Variants in ANKRD55 observed in about 807,000 individuals in gnomAD.
ANKRD55 encodes the protein ankyrin repeat domain-containing protein 55.
ANKRD55 carries 41 observed loss-of-function variants against 60.6 expected under a neutral mutation model. That is an observed-to-expected ratio of 0.68 (90% CI 0.53 to 0.88). The LOEUF (loss-of-function observed/expected upper bound fraction) is 0.88, where lower values mean the gene tolerates loss of function less well. Ranked by LOEUF, ANKRD55 falls within the 40% of genes least tolerant of loss-of-function variation. The probability of loss-of-function intolerance (pLI) is 0.00; values close to 1 mark genes in which losing one functional copy is unlikely to be tolerated. For missense variants in ANKRD55, 732 were observed against 767.6 expected, an observed-to-expected ratio of 0.95 and a Z score of 0.55; for synonymous variants, 264 against 290.3, an observed-to-expected ratio of 0.91 and a Z score of 0.92.
rs985821351 is a variant in ANKRD55 at position 56,134,547 on chromosome 5, C to A, written c.613-7441G>T. On this transcript the variant is annotated intron_variant, in intron 7 of 11. Coordinates refer to ENST00000341048, the MANE Select transcript of ANKRD55 (RefSeq NM_024669.3). Reference sequence around the variant, plus strand: ...TGAGCCGAGATCGTGTCATTGCACTCCAGCCTGGGTGACAGAGTGAGAGAC... The same window carrying A: ...TGAGCCGAGATCGTGTCATTGCACTACAGCCTGGGTGACAGAGTGAGAGAC... Among the ~76,000 whole-genome samples the A allele has an allele frequency of 6.5e-5, 8 of 122,304 alleles. 1 individual carries two copies. The highest frequency in any genetic ancestry group is 7.3e-5 in the Non-Finnish European group (4 of 54,716). The allele number at this position is 122,304 out of a possible 152,430, so 80.2% of individuals were successfully genotyped here. A position where few individuals can be genotyped will look rare whatever the true frequency, so the allele number is the denominator to read the frequency against.
At chr5:56,146,429 T>C (rs1248452287) in intron 6 of ANKRD55, among the ~76,000 whole-genome samples, 3 of 151,780 alleles carry the variant, frequency 2.0e-5, no homozygotes, top group Admixed American at 6.6e-5. Flanking sequence ...AGATTACAGG[T>C]GCCCGCCACC....
intron 8 of ANKRD55, among the ~76,000 whole-genome samples, chr5:56,118,584 A>G (rs1307244435): frequency 6.6e-6 from 1 of 152,140 alleles, no homozygotes; most frequent in African/African-American, 2.4e-5. Context: ...AGATCATGCC[A>G]CTGCACTCCA....
chr5:56,184,482 A>G (rs899747588), intron 2 of ANKRD55, among the ~76,000 whole-genome samples: 9 of 152,160 alleles, frequency 5.9e-5, no homozygotes, highest in African/African-American at 2.2e-4. Flanking sequence ...CTTCATTTCA[A>G]CCACCTGAGA....
At chr5:56,174,923 T>C (rs1050271574) in intron 4 of ANKRD55, among the ~76,000 whole-genome samples, 1 of 151,644 alleles carries the variant, frequency 6.6e-6, no homozygotes, top group African/African-American at 2.4e-5. Flanking sequence ...TCCCAGAGTA[T>C]CTGACTCAGA....
chr5:56,156,062 G>T (rs1354459551), intron 6 of ANKRD55, among the ~76,000 whole-genome samples: 1 of 152,110 alleles, frequency 6.6e-6, no homozygotes, highest in African/African-American at 2.4e-5. Context: ...CCAGAGATGA[G>T]GTAGCACACT....
chr5:56,193,286 A>G, intron 2 of ANKRD55: 1 of 1,087,012 alleles, frequency 9.2e-7, no homozygotes, highest in South Asian at 1.5e-5. Context: ...GGGGAGATGC[A>G]TGGAAATTAT....
chr5:56,137,409 C>A lies in ANKRD55; in HGVS notation c.612+6392G>T, dbSNP rs938242605. 1.5e-5 allele frequency: 13 copies of A among 894,454 alleles called. No homozygotes were observed. In the African/African-American group the frequency reaches 2.1e-4, roughly 15 times the overall value. 55.4% of individuals were successfully genotyped at this position (894,454 alleles called of 1,614,324 possible). The stretch of plus-strand genomic sequence containing the variant: ...TAACCCATACATGAGCTCTCCCTGC[C>A]ACACTGAGATGATCCTTACTGAAAA... On this transcript the variant is annotated intron_variant, in intron 7 of 11. Transcript: ENST00000341048.
intron 7 of ANKRD55, among the ~76,000 whole-genome samples, chr5:56,131,480 A>T (rs1757409607): frequency 6.6e-6 from 1 of 152,138 alleles, no homozygotes; most frequent in South Asian, 2.1e-4. Context: ...TTACTGGTAG[A>T]CCTGCATTGT....
At chr5:56,161,728 T>C (rs1353441380) in intron 5 of ANKRD55, among the ~76,000 whole-genome samples, 1 of 152,022 alleles carries the variant, frequency 6.6e-6, no homozygotes, top group Non-Finnish European at 1.5e-5. Context: ...ATCAGAGGGG[T>C]AGTAACGCAG....
chr5:56,222,302 A>T (rs1330845698), intron 2 of ANKRD55, among the ~76,000 whole-genome samples: 1 of 152,188 alleles, frequency 6.6e-6, no homozygotes, highest in Non-Finnish European at 1.5e-5. Flanking sequence ...TTAGAAGGAA[A>T]ACTAAGAAAC....
chr5:56,194,538 T>A (rs1399993949), intron 2 of ANKRD55, among the ~76,000 whole-genome samples: 1 of 152,104 alleles, frequency 6.6e-6, no homozygotes, highest in Non-Finnish European at 1.5e-5. Flanking sequence ...TGAAGTTCCT[T>A]AATAAAACCG....
intron 7 of ANKRD55, among the ~76,000 whole-genome samples, chr5:56,130,548 C>G (rs1424154469): frequency 3.9e-5 from 6 of 152,190 alleles, no homozygotes; most frequent in Admixed American, 1.3e-4. Context: ...GCGCTATTTA[C>G]AGGAGTTCCT....
At chr5:56,224,266 A>ACT (rs1760048481) in intron 2 of ANKRD55, among the ~76,000 whole-genome samples, 1 of 152,250 alleles carries the variant, frequency 6.6e-6, no homozygotes, top group Non-Finnish European at 1.5e-5. Context: ...GAAGGCAGAA[A>ACT]TAAAGATGTT....
At chr5:56,192,577 A>C (rs1581012747) in intron 2 of ANKRD55, 1 of 450,928 alleles carries the variant, frequency 2.2e-6, no homozygotes, top group Admixed American at 3.4e-5. Flanking sequence ...TGAATTTTTT[A>C]ACCTTCCTCT....
In ANKRD55 at chr5:56,143,831, G is replaced by A. The variant is rs200572856; in HGVS notation, c.582C>T (p.Asp194=). The A allele has an allele frequency of 6.2e-7, 1 of 1,614,186 alleles. No individual in the cohort carries two copies. Among genetic ancestry groups the A allele is most frequent in the Non-Finnish European group, 8.5e-7 (1 of 1,180,024 alleles). The change falls in exon 7 of 12, where the codon GAC becomes GAT. Residue 194 remains aspartate, a synonymous_variant. Coordinates refer to ENST00000341048, the MANE Select transcript of ANKRD55 (RefSeq NM_024669.3). ...KGADPTLVDK[D]FKTALHWAVQ... is the part of the protein sequence containing the mutation. Reference sequence around the variant, plus strand: ...CTGCCCAGTGGAGAGCGGTTTTAAAGTCTTTATCCACAAGGGTGGGGTCTG... The same window carrying A: ...CTGCCCAGTGGAGAGCGGTTTTAAAATCTTTATCCACAAGGGTGGGGTCTG...
intron 10 of ANKRD55, among the ~76,000 whole-genome samples, chr5:56,108,622 T>C (rs1168037213): frequency 2.0e-5 from 3 of 152,224 alleles, no homozygotes; most frequent in African/African-American, 4.8e-5. Context: ...CATATTCTAC[T>C]TCAAAGGCTT....
chr5:56,199,578 CA>C (rs1267031043), intron 2 of ANKRD55, among the ~76,000 whole-genome samples: 1 of 134,616 alleles, frequency 7.4e-6, no homozygotes, highest in East Asian at 2.8e-4. Context: ...TTACCATGTT[CA>C]AAGTTAAAAA....
intron 8 of ANKRD55, 31 bp from the exon 9 acceptor site, chr5:56,116,813 G>C (rs374771016): frequency 6.5e-7 from 1 of 1,546,182 alleles, no homozygotes; most frequent in Non-Finnish European, 8.7e-7. Flanking sequence ...AAGCACAAGC[G>C]TCTGAGCATG....
intron 8 of ANKRD55, among the ~76,000 whole-genome samples, chr5:56,123,437 C>T (rs1757139908): frequency 6.6e-6 from 1 of 152,126 alleles, no homozygotes. Flanking sequence ...CGTAATAGGG[C>T]CATGTATTTT....
Sources: gnomAD v4.1 joint callset for allele counts (sites outside exome capture counted in the v4.1 genomes callset) on GRCh38, gnomAD v4.1.1 for gene constraint, MANE v1.5 for transcripts, NCBI Gene and HGNC (gene_info 2026-07-23, HGNC 2026-07-21) for gene names.